Variants in SMARCA2 observed in about 807,000 individuals in gnomAD.
SMARCA2 encodes SWI/SNF related BAF chromatin remodeling complex subunit ATPase 2.
In SMARCA2, 61 loss-of-function variants were observed where a neutral mutation model predicts 199.8. That is an observed-to-expected ratio of 0.31 (90% confidence interval 0.25 to 0.38). The LOEUF (loss-of-function observed/expected upper bound fraction) is 0.38, where lower values mean the gene tolerates loss of function less well. Among genes scored for constraint, SMARCA2 ranks in the 10% least tolerant of loss-of-function variants. SMARCA2 has a pLI of 1.00. For synonymous variants in SMARCA2, 935 were observed against 732.0 expected (o/e 1.28, Z -4.48); for missense variants, 1,344 against 2,012.2 (o/e 0.67, Z 6.35).
At position 2,068,181 on chromosome 9, in the gene SMARCA2, T is replaced by C. The variant is rs1337720710; in HGVS notation, c.1693-2237T>C. The stretch of plus-strand genomic sequence containing the variant: ...GTGACTGGTAGCAGGGATGGTTTCT[T>C]TTTTGAATTCAAGGGTTCTGTTATT... On this transcript the variant is annotated intron_variant, in intron 9 of 33. Transcript: ENST00000349721. 3.3e-5 allele frequency among the ~76,000 whole-genome samples: 5 copies of C among 152,218 alleles called. No homozygotes were observed. In the East Asian group the frequency reaches 9.6e-4, roughly 29 times the overall value.
At chr9:2,184,575 G>C (rs1217973563) in intron 31 of SMARCA2, among the ~76,000 whole-genome samples, 1 of 151,270 alleles carries the variant, frequency 6.6e-6, no homozygotes, top group Non-Finnish European at 1.5e-5. Flanking sequence ...GGCTGGTCTC[G>C]AACTCCTGAC....
In SMARCA2 at chr9:2,073,348, G is replaced by T. The variant is rs774058791; in HGVS notation, c.1877+6G>T. On this transcript the variant is annotated splice_donor_region_variant and intron_variant, in intron 11 of 33. Transcript: ENST00000349721. The stretch of plus-strand genomic sequence containing the variant: ...TGGCTGGAAATGAATCCTGGGTAAG[G>T]CATGAAAGCAGCGTTCATGGTGTTC... 1 of 1,614,120 alleles carries T rather than the reference G, an allele frequency of 6.2e-7. No individual in the cohort carries two copies. Among genetic ancestry groups the T allele is most frequent in the South Asian group, 1.1e-5 (1 of 91,072 alleles).
chr9:2,162,670 G>GA (rs1360728654), intron 28 of SMARCA2: 2 of 152,138 alleles, frequency 1.3e-5, no homozygotes, highest in East Asian at 3.8e-4. Flanking sequence ...CGTTTCAGTT[G>GA]AAAAATTGAC....
intron 23 of SMARCA2, among the ~76,000 whole-genome samples, chr9:2,106,702 A>G (rs1026689527): frequency 2.6e-5 from 4 of 152,190 alleles, no homozygotes; most frequent in African/African-American, 7.2e-5. Flanking sequence ...ACTTGATGAG[A>G]GCTAAGCAGA....
At chr9:2,064,375 A>T (rs1275283937) in intron 9 of SMARCA2, among the ~76,000 whole-genome samples, 1 of 152,222 alleles carries the variant, frequency 6.6e-6, no homozygotes, top group African/African-American at 2.4e-5. Context: ...TACCCCATAG[A>T]TTTGTAGTGA....
At chr9:2,134,437 A>G (rs1255353379) in intron 27 of SMARCA2, among the ~76,000 whole-genome samples, 4 of 152,118 alleles carry the variant, frequency 2.6e-5, no homozygotes, top group South Asian at 4.1e-4. Flanking sequence ...ACACCAACCT[A>G]TACTCACTTG....
At position 2,086,396 on chromosome 9, in the gene SMARCA2, C is replaced by A. The variant is rs1821805371; in HGVS notation, c.2527-433C>A. Among the ~76,000 whole-genome samples, 1 of 152,204 alleles carries A rather than the reference C, an allele frequency of 6.6e-6. No homozygotes were observed. The highest frequency in any genetic ancestry group is 1.5e-5 in the Non-Finnish European group (1 of 68,026). On this transcript the variant is annotated intron_variant, in intron 17 of 33. Coordinates refer to ENST00000349721, the MANE Select transcript of SMARCA2 (RefSeq NM_003070.5). This position sits in a 1 kb window ranked among gnomAD's most constrained non-coding sequence, Gnocchi z 4.3. Reference sequence around the variant, plus strand: ...CCTGCTAGGGCCATCTTGGAAAAATCAGTCATTAACCTCTGCTTCAGGTGG... The same window carrying A: ...CCTGCTAGGGCCATCTTGGAAAAATAAGTCATTAACCTCTGCTTCAGGTGG...
intron 19 of SMARCA2, among the ~76,000 whole-genome samples, chr9:2,088,997 G>C (rs945019772): frequency 6.6e-6 from 1 of 151,420 alleles, no homozygotes; most frequent in Admixed American, 6.6e-5. Flanking sequence ...CATCATTGAA[G>C]GGGGTGGTAA....
intron 5 of SMARCA2, among the ~76,000 whole-genome samples, chr9:2,048,875 C>T (rs372432961): frequency 2.6e-5 from 4 of 152,142 alleles, no homozygotes; most frequent in African/African-American, 7.2e-5. Context: ...TTCCTCTATT[C>T]ATGTGCAATA....
At chr9:2,157,417 C>A (rs1825424004) in intron 27 of SMARCA2, among the ~76,000 whole-genome samples, 1 of 152,118 alleles carries the variant, frequency 6.6e-6, no homozygotes, top group African/African-American at 2.4e-5. Context: ...ATAACCCCAC[C>A]CCCATGCCCA....
chr9:2,131,662 C>A (rs543655773), intron 27 of SMARCA2, among the ~76,000 whole-genome samples: 2 of 152,168 alleles, frequency 1.3e-5, no homozygotes, highest in Non-Finnish European at 2.9e-5. Context: ...GGGTTTTCTT[C>A]TTCCCAAAGT....
chr9:2,192,558 T>C (rs1310009654), intron 33 of SMARCA2, 146 bp from the exon 34 acceptor site: 3 of 710,050 alleles, frequency 4.2e-6, no homozygotes, highest in Non-Finnish European at 7.7e-6. Context: ...CTCTTTAATG[T>C]GTTTCTGTCC....
At chr9:2,191,668 A>C (rs1827895260) in intron 33 of SMARCA2, 1 of 328,088 alleles carries the variant, frequency 3.0e-6, no homozygotes. Context: ...CCCCTTTTTA[A>C]TCTTCCCACA....
At chr9:2,069,075 C>A (rs896898343) in intron 9 of SMARCA2, 1 of 151,654 alleles carries the variant, frequency 6.6e-6, no homozygotes, top group Non-Finnish European at 1.5e-5. Context: ...CACCACAACA[C>A]CCGGCTAATT....
chr9:2,037,184 C>T (rs1034229337), intron 3 of SMARCA2, among the ~76,000 whole-genome samples: 1 of 152,166 alleles, frequency 6.6e-6, no homozygotes, highest in Admixed American at 6.5e-5. Flanking sequence ...TGTAAGCCTT[C>T]TTAAAGAAGA....
intron 9 of SMARCA2, among the ~76,000 whole-genome samples, chr9:2,063,390 T>C (rs1820687392): frequency 6.6e-6 from 1 of 152,226 alleles, no homozygotes; most frequent in Non-Finnish European, 1.5e-5. Flanking sequence ...CAGTGAATGA[T>C]TGGGAGTTGC....
intron 27 of SMARCA2, among the ~76,000 whole-genome samples, chr9:2,137,604 A>AT (rs1317765025): frequency 6.6e-6 from 1 of 152,168 alleles, no homozygotes; most frequent in African/African-American, 2.4e-5. Context: ...GCAACAAGTC[A>AT]TATCACCTAT....
chr9:2,044,595 C>T (rs1412565397), intron 4 of SMARCA2: 1 of 152,182 alleles, frequency 6.6e-6, no homozygotes, highest in Admixed American at 6.5e-5. Flanking sequence ...GAATCTTCAC[C>T]GCTGCCCTAT....
chr9:2,090,622 A>G (rs532152463), intron 19 of SMARCA2, among the ~76,000 whole-genome samples: 1 of 152,330 alleles, frequency 6.6e-6, no homozygotes, highest in African/African-American at 2.4e-5. Context: ...AACCAATGAC[A>G]GCTGCTTCTA....
Sources: allele counts gnomAD v4.1 joint callset (sites outside exome capture counted in the v4.1 genomes callset), GRCh38; gene constraint gnomAD v4.1.1; non-coding constraint Gnocchi (gnomAD v3.1); transcripts MANE v1.5; gene names NCBI Gene and HGNC (gene_info 2026-07-23, HGNC 2026-07-21).